Variants in MAGED2 observed in about 807,000 individuals in gnomAD.
The protein encoded by MAGED2 is MAGE family member D2.
In MAGED2, 6 loss-of-function variants were observed where a neutral mutation model predicts 41.7. That is an observed-to-expected ratio of 0.14 (90% CI 0.08 to 0.28). MAGED2 has a LOEUF of 0.28. MAGED2 is among the 10% of genes least tolerant of loss of function. The pLI is 1.00. For missense variants in MAGED2, 343 were observed against 486.4 expected (o/e 0.71, Z 2.77); for synonymous variants, 146 against 178.2 (o/e 0.82, Z 1.44).
Position 54,815,640 on chromosome X carries a change from C to T in MAGED2, c.1779C>T (p.Ser593=). Residue 593 remains serine (S), a synonymous_variant, in exon 12 of 13, where the codon AGC becomes AGT. Coordinates refer to ENST00000375068, the MANE Select transcript of MAGED2 (RefSeq NM_177433.3). The stretch of plus-strand genomic sequence containing the variant: ...CTGGCCTTGGTGGAGCTGGTGCCAG[C>T]ACCAGTGGCAGCTCTGGTGCCTGTG... ...LFAGLGGAGA[S]TSGSSGACGF... is the part of the protein sequence containing the mutation. 8.6e-7 allele frequency: 1 copy of T among 1,166,306 alleles called. No homozygotes were observed. Among genetic ancestry groups the T allele is most frequent in the South Asian group, 1.9e-5 (1 of 52,632 alleles).
chrX:54,812,861 G>A (rs1029186978), intron 7 of MAGED2, 84 bp from the exon 8 acceptor site: 1 of 702,863 alleles, frequency 1.4e-6, no homozygotes, highest in African/African-American at 2.1e-5. Context: ...AGGAATCTGG[G>A]AGAGGCTAGC....
rs768020894 is a variant in MAGED2 at position 54,812,171 on chromosome X, A to G, written c.1005A>G (p.Gln335=). The G allele has an allele frequency of 1.0e-5, 12 of 1,184,838 alleles. No individual in the cohort carries two copies. In the African/African-American group the frequency reaches 1.6e-4, roughly 16 times the overall value. ...CCCATCCACAGGTATTTGGGATTCAATTGAAGGAAATTGATAAGAATGACC... is the reference window on the plus strand; with the variant it reads ...CCCATCCACAGGTATTTGGGATTCAGTTGAAGGAAATTGATAAGAATGACC... ...GYSLEKVFGI[Q]LKEIDKNDHL... The change falls in exon 7 of 13, where the codon CAA becomes CAG. Residue 335 remains glutamine (Q), a synonymous_variant. Transcript: ENST00000375068.
chrX:54,810,546 T>C (rs1237329285), intron 3 of MAGED2, among the ~76,000 whole-genome samples: 1 of 111,378 alleles, frequency 9.0e-6, no homozygotes, highest in Non-Finnish European at 1.9e-5. Context: ...AAGCGGCTTG[T>C]CTAGGATGGT....
chrX:54,808,821 G>C (rs1232269032), intron 1 of MAGED2, among the ~76,000 whole-genome samples: 1 of 112,432 alleles, frequency 8.9e-6, no homozygotes, highest in Admixed American at 9.3e-5. Context: ...CTGGAGAGGG[G>C]CGTGTGTTGG....
In MAGED2 at chrX:54,814,732, A is replaced by C. The variant is rs1203579605; in HGVS notation, c.1343A>C (p.Tyr448Ser). 1 of 1,211,182 alleles carries C rather than the reference A, an allele frequency of 8.3e-7. No individual in the cohort carries two copies. Among genetic ancestry groups the C allele is most frequent in the Non-Finnish European group, 1.1e-6 (1 of 894,889 alleles). Residue 448 changes from tyrosine (Y) to serine (S), a missense_variant, in exon 11 of 13, where the codon TAC becomes TCC. By Grantham distance (144) the Tyr-to-Ser change is moderately radical (BLOSUM62 -2). Transcript: ENST00000375068. ...GAGTTCTTCTGGGGCCTGCGCTCTT[A>C]CTATGAGACCAGCAAGATGAAAGTC... Reference protein sequence around the residue: ...EYEFFWGLRSYYETSKMKVLK... With the variant: ...EYEFFWGLRSSYETSKMKVLK...
Position 54,811,602 on chromosome X carries a change from C to T in MAGED2, c.939C>T (p.Tyr313=). The change falls in exon 6 of 13, where the codon TAC becomes TAT. Residue 313 remains tyrosine, a synonymous_variant. Transcript: ENST00000375068. The part of the protein sequence containing the change: ...SDMLKDIIKE[Y]TDVYPEIIER... ...TGCTGAAGGACATCATCAAAGAATA[C>T]ACTGATGTGTACCCCGAAATCATTG... The T allele has an allele frequency of 2.5e-6, 3 of 1,208,767 alleles. No individual in the cohort carries two copies. Among genetic ancestry groups the T allele is most frequent in the Non-Finnish European group, 3.4e-6 (3 of 892,626 alleles).
Position 54,812,185 on chromosome X carries a change from A to T in MAGED2, c.1019A>T (p.Asp340Val). 1 of 1,200,423 alleles carries T rather than the reference A, an allele frequency of 8.3e-7. No individual in the cohort carries two copies. The highest frequency in any genetic ancestry group is 1.1e-6 in the Non-Finnish European group (1 of 886,131). The change falls in exon 7 of 13, where the codon GAT becomes GTT. Residue 340 changes from aspartate (D) to valine (V), a missense_variant. Physicochemically the swap from Asp to Val is radical, Grantham distance 152. Around this residue, in one of 3 missense-constraint regions of MAGED2, gnomAD observed 95 missense variants for 204.8 expected, o/e 0.46. Transcript: ENST00000375068. ...KVFGIQLKEI[D>V]KNDHLYILLS... is the part of the protein sequence containing the mutation. ...TTTGGGATTCAATTGAAGGAAATTG[A>T]TAAGAATGACCACTTGTACATTCTT...
In MAGED2 at chrX:54,815,639, G is replaced by A. The variant is rs1180524759; in HGVS notation, c.1778G>A (p.Ser593Asn). 1.7e-6 allele frequency: 2 copies of A among 1,166,459 alleles called. No homozygotes were observed. The highest frequency in any genetic ancestry group is 1.8e-5 in the African/African-American group (1 of 56,362). Reference sequence around the variant, plus strand: ...GCTGGCCTTGGTGGAGCTGGTGCCAGCACCAGTGGCAGCTCTGGTGCCTGT... The same window carrying A: ...GCTGGCCTTGGTGGAGCTGGTGCCAACACCAGTGGCAGCTCTGGTGCCTGT... ...LFAGLGGAGA[S>N]TSGSSGACGF... The change falls in exon 12 of 13, where the codon AGC becomes AAC. Residue 593 changes from serine (S) to asparagine (N), a missense_variant. Coordinates refer to ENST00000375068, the MANE Select transcript of MAGED2 (RefSeq NM_177433.3).
rs1929909774 is a variant in MAGED2, at chrX:54,814,705, A to G, written c.1316A>G (p.Tyr439Cys). 5.0e-6 allele frequency: 6 copies of G among 1,209,390 alleles called. No homozygotes were observed. The highest frequency in any genetic ancestry group is 6.7e-6 in the Non-Finnish European group (6 of 894,520). Residue 439 changes from tyrosine (Y) to cysteine (C), a missense_variant, in exon 11 of 13, where the codon TAT becomes TGT. Around this residue, in one of 3 missense-constraint regions of MAGED2, gnomAD observed 95 missense variants for 204.8 expected, o/e 0.46. Transcript: ENST00000375068. ...ARVPNSNPPE[Y>C]EFFWGLRSYY... is the part of the protein sequence containing the mutation. ...GTCCCCAATAGCAATCCCCCTGAAT[A>G]TGAGTTCTTCTGGGGCCTGCGCTCT...
Position 54,809,815 on chromosome X carries a change from A to G in MAGED2, c.139A>G (p.Lys47Glu). 8.3e-7 allele frequency: 1 copy of G among 1,202,663 alleles called. No individual in the cohort carries two copies. Among genetic ancestry groups the G allele is most frequent in the Non-Finnish European group, 1.1e-6 (1 of 890,639 alleles). ...VEVPETPKAS[K>E]ALEVSEDVKV... The stretch of plus-strand genomic sequence containing the variant: ...GGTCCCAGAGACACCGAAGGCCTCA[A>G]AGGCACTGGAGGTCTCAGAGGATGT... Residue 47 changes from lysine (K) to glutamate (E), a missense_variant, in exon 3 of 13, where the codon AAG becomes GAG. Coordinates refer to ENST00000375068, the MANE Select transcript of MAGED2 (RefSeq NM_177433.3).
intron 6 of MAGED2, 76 bp from the exon 7 acceptor site, chrX:54,812,081 C>A: frequency 1.7e-6 from 1 of 593,337 alleles, no homozygotes. Flanking sequence ...TGCGAAACTC[C>A]TAGGTACATA....
chrX:54,810,763 G>A, intron 3 of MAGED2, 58 bp from the exon 4 acceptor site: 1 of 1,032,323 alleles, frequency 9.7e-7, no homozygotes, highest in Non-Finnish European at 1.3e-6. Context: ...GAGATAGGGA[G>A]AGGAAAAGGA....
In MAGED2 at chrX:54,814,650, C is replaced by T. The variant is rs767412249; in HGVS notation, c.1272-11C>T. 1 of 1,127,362 alleles carries T rather than the reference C, an allele frequency of 8.9e-7. No individual in the cohort carries two copies. The allele number at this position is 1,127,362 out of a possible 1,213,427, so 92.9% of individuals were successfully genotyped here. A position where few individuals can be genotyped will look rare whatever the true frequency, so the allele number is the denominator to read the frequency against. ...TCTTAGAAATAAAGGCTTTGAACCTCTCTTTCCAAGGTACCTGGACTATGC... is the reference window on the plus strand; with the variant it reads ...TCTTAGAAATAAAGGCTTTGAACCTTTCTTTCCAAGGTACCTGGACTATGC... On this transcript the variant is annotated splice_polypyrimidine_tract_variant and intron_variant, in intron 10 of 12. Transcript: ENST00000375068.
intron 7 of MAGED2, 144 bp downstream of exon 7, chrX:54,812,395 T>A: frequency 4.9e-6 from 2 of 406,225 alleles, no homozygotes; most frequent in South Asian, 3.8e-5. Context: ...TATGCATAGT[T>A]GGAGCCCTGC....
Position 54,815,222 on chromosome X carries a change from C to G in MAGED2, c.1387-26C>G. On this transcript the variant is annotated intron_variant, in intron 11 of 12. Coordinates refer to ENST00000375068, the MANE Select transcript of MAGED2 (RefSeq NM_177433.3). Reference sequence around the variant, plus strand: ...TACTATGGCTTAATCCCTCTATGCTCCTTCTGATGGTTATTTTTGTTTCAG... The same window carrying G: ...TACTATGGCTTAATCCCTCTATGCTGCTTCTGATGGTTATTTTTGTTTCAG... The G allele has an allele frequency of 2.6e-6, 3 of 1,141,173 alleles. No homozygotes were observed. The African/African-American group carries it at 5.5e-5, about 21-fold the overall frequency. 94.0% of individuals were successfully genotyped at this position (1,141,173 alleles called of 1,213,427 possible).
At chrX:54,809,610 C>T in intron 2 of MAGED2, 112 bp from the exon 3 acceptor site, 4 of 1,113,260 alleles carry the variant, frequency 3.6e-6, no homozygotes, top group Non-Finnish European at 4.7e-6. Context: ...TCAGAGCACA[C>T]CGCAGGTAGG....
At chrX:54,813,599 T>G (rs1471330989) in intron 10 of MAGED2, 49 bp downstream of exon 10, 16 of 1,058,215 alleles carry the variant, frequency 1.5e-5, no homozygotes, top group Non-Finnish European at 2.1e-5. Context: ...TTGGCCTATT[T>G]CAGAACTGAG....
chrX:54,809,646 G>A, intron 2 of MAGED2, 76 bp from the exon 3 acceptor site: 1 of 1,150,313 alleles, frequency 8.7e-7, no homozygotes, highest in East Asian at 3.0e-5. Context: ...GAGAAGTGTG[G>A]CCTTGGAATT....
At position 54,810,083 on chromosome X, in the gene MAGED2, C is replaced by T. The variant is rs745521206; in HGVS notation, c.407C>T (p.Thr136Ile). 6 of 1,206,211 alleles carry T rather than the reference C, an allele frequency of 5.0e-6. No homozygotes were observed. The highest frequency in any genetic ancestry group is 6.7e-6 in the Non-Finnish European group (6 of 893,343). Residue 136 changes from threonine (T) to isoleucine (I), a missense_variant, in exon 3 of 13, where the codon ACA (threonine) becomes ATA (isoleucine). Thr to Ile is a moderately conservative substitution (Grantham distance 89). This residue lies in a region of MAGED2 where 195 missense variants were observed against 221.2 expected (regional missense o/e 0.88). Coordinates refer to ENST00000375068, the MANE Select transcript of MAGED2 (RefSeq NM_177433.3). Reference protein sequence around the residue: ...VSHVADTKVNTKAQETEAAPS... With the variant: ...VSHVADTKVNIKAQETEAAPS... ...CATGTGGCTGATACAAAGGTCAATACAAAGGCTCAGGAGACTGAGGCTGCA... is the reference window on the plus strand; with the variant it reads ...CATGTGGCTGATACAAAGGTCAATATAAAGGCTCAGGAGACTGAGGCTGCA...
Sources: allele counts gnomAD v4.1 joint callset (sites outside exome capture counted in the v4.1 genomes callset), GRCh38; gene constraint gnomAD v4.1.1; regional missense constraint gnomAD v4.1.1; transcripts MANE v1.5; gene names NCBI Gene and HGNC (gene_info 2026-07-23, HGNC 2026-07-21).